SZT2: variants seen among roughly 807,000 people sequenced by gnomAD.
SZT2 encodes the protein SZT2 subunit of KICSTOR complex, also known as KICSTOR complex protein SZT2.
In SZT2, 216 loss-of-function variants were observed where a neutral mutation model predicts 404.2. That is an observed-to-expected ratio of 0.53 (90% CI 0.48 to 0.60). The LOEUF is 0.60. Ranked by LOEUF, SZT2 falls within the 20% of genes least tolerant of loss-of-function variation. The probability of loss-of-function intolerance (pLI) is 0.00; values close to 1 mark genes in which losing one functional copy is unlikely to be tolerated. For missense variants in SZT2, 3,857 were observed against 4,459.2 expected, an observed-to-expected ratio of 0.86 and a Z score of 3.85; for synonymous variants, 1,693 against 1,749.9, an observed-to-expected ratio of 0.97 and a Z score of 0.81.
intron 3 of SZT2, 137 bp from the exon 4 acceptor site, chr1:43,404,243 T>C: frequency 1.4e-6 from 1 of 730,452 alleles, no homozygotes. Context: ...CCAGAAACTG[T>C]TCCATGTGTG....
chr1:43,441,985 C>A lies in SZT2; in HGVS notation c.7743-15C>A. On this transcript the variant is annotated splice_polypyrimidine_tract_variant and intron_variant, in intron 55 of 71. Transcript: ENST00000634258. The surrounding 1 kb of genome is among the most constrained non-coding windows in gnomAD (Gnocchi z 4.8). ...TGTCATGGATGGCCTTTCTGTCTGT[C>A]CTCCCTTTCAATAGGGGTTCAGAGC... The A allele has an allele frequency of 6.2e-7, 1 of 1,607,332 alleles. No homozygotes were observed. Among genetic ancestry groups the A allele is most frequent in the Non-Finnish European group, 8.5e-7 (1 of 1,175,892 alleles).
chr1:43,437,030 C>T lies in SZT2; in HGVS notation c.6035-141C>T. 8.6e-7 allele frequency: 1 copy of T among 1,158,310 alleles called. No homozygotes were observed. Among genetic ancestry groups the T allele is most frequent in the Non-Finnish European group, 1.2e-6 (1 of 813,986 alleles). 71.8% of individuals were successfully genotyped at this position (1,158,310 alleles called of 1,614,324 possible). A position where few individuals can be genotyped will look rare whatever the true frequency, so the allele number is the denominator to read the frequency against. On this transcript the variant is annotated intron_variant, in intron 42 of 71. Coordinates refer to ENST00000634258, the MANE Select transcript of SZT2 (RefSeq NM_001365999.1). The surrounding 1 kb of genome is among the most constrained non-coding windows in gnomAD (Gnocchi z 5.3). ...CATCTGCCTGGCCCTGTCGTGTTAC[C>T]CAGAATGATCATCATTTCTCTGCAA...
chr1:43,427,482 T>C (rs1570654333), intron 25 of SZT2, 37 bp downstream of exon 25: 1 of 1,610,196 alleles, frequency 6.2e-7, no homozygotes, highest in Non-Finnish European at 8.5e-7. Context: ...GGAGTGGGAG[T>C]GGGAAACAGA....
At position 43,426,387 on chromosome 1, in the gene SZT2, C is replaced by T. The variant is rs1291191469; in HGVS notation, c.3063C>T (p.Phe1021=). Residue 1021 remains phenylalanine (F), a synonymous_variant, in exon 22 of 72, where the codon TTC becomes TTT. Transcript: ENST00000634258. The surrounding 1 kb of genome is among the most constrained non-coding windows in gnomAD (Gnocchi z 4.9). ...GGGCAGAGCCAGAGGGTGTCCCTTT[C>T]GCCGAGGGGTCCTGTCCTGCCAACG... The part of the protein sequence containing the change: ...LLAREPEGVP[F]AEGSCPANDM... 1.5e-5 allele frequency: 23 copies of T among 1,567,174 alleles called. No individual in the cohort carries two copies. The highest frequency in any genetic ancestry group is 2.7e-5 in the African/African-American group (2 of 74,050).
chr1:43,453,072 A>G lies in SZT2; in HGVS notation c.*2592A>G. On this transcript the variant is annotated 3_prime_UTR_variant, in exon 72 of 72. Coordinates refer to ENST00000634258, the MANE Select transcript of SZT2 (RefSeq NM_001365999.1). ...CTGATCCAGACAGGGTTAGGTGCCTACCCTGCTCCCACAGCTTCCTGGAAT... is the reference window on the plus strand; with the variant it reads ...CTGATCCAGACAGGGTTAGGTGCCTGCCCTGCTCCCACAGCTTCCTGGAAT... 1 of 931,498 alleles carries G rather than the reference A, an allele frequency of 1.1e-6. No homozygotes were observed. The highest frequency in any genetic ancestry group is 1.7e-6 in the Non-Finnish European group (1 of 579,674). The allele number at this position is 931,498 out of a possible 1,614,324, so 57.7% of individuals were successfully genotyped here.
intron 1 of SZT2, among the ~76,000 whole-genome samples, chr1:43,394,604 C>T (rs1271037351): frequency 2.0e-5 from 3 of 152,136 alleles, no homozygotes. Context: ...TTGGGCTGGG[C>T]GCGGTGGCTC....
intron 15 of SZT2, 75 bp downstream of exon 15, chr1:43,423,391 C>G: frequency 7.2e-7 from 1 of 1,382,414 alleles, no homozygotes; most frequent in Non-Finnish European, 9.6e-7. Flanking sequence ...CATGGCTTAG[C>G]CCGGTGTGAG....
rs1427551687 is a variant in SZT2, at chr1:43,437,729, C to G, written c.6396+29C>G. On this transcript the variant is annotated intron_variant, in intron 45 of 71. Transcript: ENST00000634258. This position sits in a 1 kb window ranked among gnomAD's most constrained non-coding sequence, Gnocchi z 5.3. ...TGTATCACTCCCACTCTCTGATGCC[C>G]CTGTGTTCCTCTTGCACTTTGCTCT... The G allele has an allele frequency of 6.2e-7, 1 of 1,613,940 alleles. No homozygotes were observed. The highest frequency in any genetic ancestry group is 1.3e-5 in the African/African-American group (1 of 74,916).
intron 7 of SZT2, among the ~76,000 whole-genome samples, chr1:43,419,470 A>G (rs1287111500): frequency 6.6e-6 from 1 of 152,216 alleles, no homozygotes; most frequent in East Asian, 1.9e-4. Flanking sequence ...AGTTGCCAAA[A>G]TCTTTAGTGA....
chr1:43,452,198 TTCTCACCTGAGCCAAAAC>T lies in SZT2; in HGVS notation c.*1719_*1736del. On this transcript the variant is annotated 3_prime_UTR_variant, in exon 72 of 72. Coordinates refer to ENST00000634258, the MANE Select transcript of SZT2 (RefSeq NM_001365999.1). ...TGTAAGTACGTGTGTGTTTCCACCT[TTCTCACCTGAGCCAAAAC>T]CCCAGCTGCATGCCTCAGGTTCTCC... The T allele has an allele frequency of 6.2e-7, 1 of 1,608,618 alleles. No individual in the cohort carries two copies. The highest frequency in any genetic ancestry group is 8.5e-7 in the Non-Finnish European group (1 of 1,176,558).
At chr1:43,401,016 G>A (rs941895951) in intron 1 of SZT2, among the ~76,000 whole-genome samples, 1 of 152,012 alleles carries the variant, frequency 6.6e-6, no homozygotes. Flanking sequence ...CGACCTCCTG[G>A]GCTCAGGTGA....
At position 43,428,289 on chromosome 1, in the gene SZT2, G is replaced by A; in HGVS notation, c.3969G>A (p.Leu1323=). ...CACAGAGTGTGACCTCCCAGGATTT[G>A]CTGACAGCGGTAGATGCCTGTGAGG... The part of the protein sequence containing the change: ...QQAQSVTSQD[L]LTAVDACEEL... The change falls in exon 28 of 72, where the codon TTG becomes TTA. Residue 1323 remains leucine, a synonymous_variant. Coordinates refer to ENST00000634258, the MANE Select transcript of SZT2 (RefSeq NM_001365999.1). The A allele has an allele frequency of 2.5e-6, 4 of 1,614,176 alleles. No homozygotes were observed. The Admixed American group carries it at 5.0e-5, about 20-fold the overall frequency.
At position 43,422,756 on chromosome 1, in the gene SZT2, C is replaced by T. The variant is rs1479370393; in HGVS notation, c.1923-13C>T. ...CAACCTTGGGCTGCTCACTGACTCC[C>T]ATTTCTCCCCAGTGCCCCAGACCAG... On this transcript the variant is annotated splice_polypyrimidine_tract_variant and intron_variant, in intron 13 of 71. Transcript: ENST00000634258. 1.3e-6 allele frequency: 2 copies of T among 1,564,488 alleles called. No homozygotes were observed. Among genetic ancestry groups the T allele is most frequent in the Non-Finnish European group, 1.7e-6 (2 of 1,162,534 alleles).
chr1:43,453,556 A>AC lies in SZT2; in HGVS notation c.*3082dup, dbSNP rs778868639. The AC allele has an allele frequency of 7.9e-6, 12 of 1,511,116 alleles. No individual in the cohort carries two copies. Among genetic ancestry groups the AC allele is most frequent in the Non-Finnish European group, 9.8e-6 (11 of 1,125,484 alleles). 93.6% of individuals were successfully genotyped at this position (1,511,116 alleles called of 1,614,324 possible). A position where few individuals can be genotyped will look rare whatever the true frequency, so the allele number is the denominator to read the frequency against. On this transcript the variant is annotated 3_prime_UTR_variant, in exon 72 of 72. Coordinates refer to ENST00000634258, the MANE Select transcript of SZT2 (RefSeq NM_001365999.1). ...GACACTCCCCTGCCCGCGCCCCGGC[A>AC]CCCCCCAGCCCTCCCAGCCCTCCCG...
At position 43,453,205 on chromosome 1, in the gene SZT2, A is replaced by T; in HGVS notation, c.*2725A>T. 1 of 641,596 alleles carries T rather than the reference A, an allele frequency of 1.6e-6. No homozygotes were observed. Among genetic ancestry groups the T allele is most frequent in the Non-Finnish European group, 2.8e-6 (1 of 363,340 alleles). The allele number at this position is 641,596 out of a possible 1,614,324, so 39.7% of individuals were successfully genotyped here. A position where few individuals can be genotyped will look rare whatever the true frequency, so the allele number is the denominator to read the frequency against. On this transcript the variant is annotated 3_prime_UTR_variant, in exon 72 of 72. Coordinates refer to ENST00000634258, the MANE Select transcript of SZT2 (RefSeq NM_001365999.1). ...CATGGGGTGAGCATGAAAGAGTGGCAAACAGAGTGGCATAAGACAGATAAA... is the reference window on the plus strand; with the variant it reads ...CATGGGGTGAGCATGAAAGAGTGGCTAACAGAGTGGCATAAGACAGATAAA...
Position 43,443,233 on chromosome 1 carries a change from A to G in SZT2, c.8465A>G (p.Gln2822Arg). ...ATGGAAAACCTGTTTGTAACCTGGCAGCAGCGTTCTACCCCAGCCACCATG... is the reference window on the plus strand; with the variant it reads ...ATGGAAAACCTGTTTGTAACCTGGCGGCAGCGTTCTACCCCAGCCACCATG... Reference protein sequence around the residue: ...MKMENLFVTWQQRSTPATMPI... With the variant: ...MKMENLFVTWRQRSTPATMPI... The change falls in exon 60 of 72, where the codon CAG becomes CGG. Residue 2822 changes from glutamine (Q) to arginine (R), a missense_variant. Gln to Arg is a conservative substitution (Grantham distance 43). Coordinates refer to ENST00000634258, the MANE Select transcript of SZT2 (RefSeq NM_001365999.1). 2 of 1,614,190 alleles carry G rather than the reference A, an allele frequency of 1.2e-6. No homozygotes were observed. Among genetic ancestry groups the G allele is most frequent in the Non-Finnish European group, 1.7e-6 (2 of 1,180,026 alleles).
chr1:43,399,066 C>T (rs1388297028), intron 1 of SZT2, among the ~76,000 whole-genome samples: 8 of 151,274 alleles, frequency 5.3e-5, no homozygotes, highest in East Asian at 3.9e-4. Flanking sequence ...GGCGACAGAG[C>T]GAGACTCCGT....
intron 46 of SZT2, chr1:43,438,121 A>G (rs1570698838): frequency 1.5e-5 from 8 of 528,388 alleles, no homozygotes; most frequent in South Asian, 1.5e-4. Context: ...TCCCTCCTCT[A>G]GTTCCTGCTG....
chr1:43,397,523 C>CT (rs539953021), intron 1 of SZT2, among the ~76,000 whole-genome samples: 41 of 147,168 alleles, frequency 2.8e-4, no homozygotes, highest in East Asian at 1.6e-3. Context: ...TATACAAATT[C>CT]TTTTTTTTTT....
Sources: allele counts gnomAD v4.1 joint callset (sites outside exome capture counted in the v4.1 genomes callset), GRCh38; gene constraint gnomAD v4.1.1; non-coding constraint Gnocchi (gnomAD v3.1); transcripts MANE v1.5; gene names NCBI Gene and HGNC (gene_info 2026-07-23, HGNC 2026-07-21).